DNA2: variants seen among roughly 807,000 people sequenced by gnomAD.
The protein encoded by DNA2 is DNA replication ATP-dependent helicase/nuclease DNA2.
DNA2 carries 101 observed loss-of-function variants against 119.1 expected under a neutral mutation model. The ratio of observed to expected loss-of-function variants is 0.85; its 90% CI spans 0.72 to 1.00. The LOEUF (loss-of-function observed/expected upper bound fraction) is 1.00, where lower values mean the gene tolerates loss of function less well. Ranked by LOEUF, DNA2 falls within the 50% of genes least tolerant of loss-of-function variation. DNA2 has a pLI of 0.00. For synonymous variants in DNA2, 366 were observed against 424.4 expected (o/e 0.86, Z 1.69); for missense variants, 1,121 against 1,255.5 (o/e 0.89, Z 1.62).
chr10:68,465,774 C>T lies in DNA2; in HGVS notation c.480G>A (p.Thr160=), dbSNP rs1564898418. The stretch of plus-strand genomic sequence containing the variant: ...CTTTTTGAAACACCTCATGGAGAAC[C>T]GTACCAATTAGCATTTGGCGTGTGG... ...DPATRQMLIG[T]VLHEVFQKAI... is the part of the protein sequence containing the mutation. Residue 160 remains threonine, a synonymous_variant, in exon 4 of 21, where the codon ACG becomes ACA. Coordinates refer to ENST00000358410, the MANE Select transcript of DNA2 (RefSeq NM_001080449.3). The T allele has an allele frequency of 4.4e-6, 7 of 1,600,218 alleles. No individual in the cohort carries two copies. Among genetic ancestry groups the T allele is most frequent in the East Asian group, 4.5e-5 (2 of 44,572 alleles).
At chr10:68,456,892 T>C (rs1333187665) in intron 5 of DNA2, among the ~76,000 whole-genome samples, 1 of 150,598 alleles carries the variant, frequency 6.6e-6, no homozygotes, top group Non-Finnish European at 1.5e-5. Context: ...CCCAGCACTT[T>C]GGGAGGCCAA....
At chr10:68,431,275 A>G (rs1391421862) in intron 13 of DNA2, among the ~76,000 whole-genome samples, 1 of 152,044 alleles carries the variant, frequency 6.6e-6, no homozygotes, top group Non-Finnish European at 1.5e-5. Context: ...AAATCCAAGA[A>G]AAATCTCTAA....
chr10:68,468,266 C>A lies in DNA2; in HGVS notation c.298G>T (p.Glu100Ter), dbSNP rs1482000724. The stretch of plus-strand genomic sequence containing the variant: ...CAAGTGTCAGATGTGCAGTCTCCCT[C>A]CAAATGAATGATATCTCCTGGCTCT... ...PVEPGDIIHL[E>*]GDCTSDTWII... The change falls in exon 3 of 21, where the codon GAG becomes TAG. Residue 100 changes from glutamate to a stop codon, truncating the protein, a stop_gained. Transcript: ENST00000358410. LOFTEE classifies it high-confidence loss of function. 6.2e-7 allele frequency: 1 copy of A among 1,608,866 alleles called. No individual in the cohort carries two copies. The highest frequency in any genetic ancestry group is 1.1e-5 in the South Asian group (1 of 89,350).
At chr10:68,455,853 AAAAAACTC>A (rs2052175901) in intron 5 of DNA2, among the ~76,000 whole-genome samples, 1 of 151,910 alleles carries the variant, frequency 6.6e-6, no homozygotes, top group Non-Finnish European at 1.5e-5. Flanking sequence ...ACAAACAAAC[AAAAAACTC>A]AACTCTAACA....
At chr10:68,470,422 G>A (rs747929304) in intron 1 of DNA2, 5 of 394,240 alleles carry the variant, frequency 1.3e-5, no homozygotes, top group East Asian at 5.5e-5. Flanking sequence ...TCTGTAAAGC[G>A]TTCTGTGGGA....
Position 68,446,322 on chromosome 10 carries a change from A to G in DNA2, c.1031T>C (p.Val344Ala), listed in dbSNP as rs1468575878. 36 of 1,592,670 alleles carry G rather than the reference A, an allele frequency of 2.3e-5. No individual in the cohort carries two copies. Among genetic ancestry groups the G allele is most frequent in the Non-Finnish European group, 3.1e-5 (36 of 1,169,624 alleles). Residue 344 changes from valine to alanine, a missense_variant, in exon 7 of 21, where the codon GTG (valine) becomes GCG (alanine). Coordinates refer to ENST00000358410, the MANE Select transcript of DNA2 (RefSeq NM_001080449.3). ...TCTTTTATCTAGATGGTTGGCAGGC[A>G]CAGGGTACATCTGACCAGTCTTGAG... ...LYLKTGQMYP[V>A]PANHLDKREL...
chr10:68,468,649 T>G (rs1332999500), intron 2 of DNA2, among the ~76,000 whole-genome samples: 1 of 152,230 alleles, frequency 6.6e-6, no homozygotes. Flanking sequence ...TGAATTGGGT[T>G]GTTTTAATAA....
intron 2 of DNA2, 63 bp from the exon 3 acceptor site, chr10:68,468,369 AG>A (rs1461835422): frequency 1.8e-6 from 2 of 1,105,802 alleles, no homozygotes; most frequent in East Asian, 5.7e-5. Flanking sequence ...TAAACGTATT[AG>A]GGAGGCTTCA....
Position 68,421,528 on chromosome 10 carries a change from CG to C in DNA2, c.2697+696del, listed in dbSNP as rs564925347. On this transcript the variant is annotated intron_variant, in intron 17 of 20. Transcript: ENST00000358410. ...CAGCACTCTGGGAGGCTGAAGCAGG[CG>C]GATCATTTGAAGCCAGGAGTTCAAG... Among the ~76,000 whole-genome samples, 261 of 151,926 alleles carry C rather than the reference CG, an allele frequency of 1.7e-3. 1 individual carries two copies. Among genetic ancestry groups the C allele is most frequent in the African/African-American group, 5.9e-3 (244 of 41,446 alleles).
chr10:68,422,562 C>CAAGA lies in DNA2; in HGVS notation c.2444_2445insTCTT (p.Gln815HisfsTer4). ...TTAACTGTACAACAGCACTCTTATT[C>CAAGA]TGCTCCAGCCTCTTGAATAAGCTTT... On this transcript the variant is annotated frameshift_variant, in exon 16 of 21. Coordinates refer to ENST00000358410, the MANE Select transcript of DNA2 (RefSeq NM_001080449.3). LOFTEE classifies it high-confidence loss of function. 1 of 1,614,030 alleles carries CAAGA rather than the reference C, an allele frequency of 6.2e-7. No homozygotes were observed. Among genetic ancestry groups the CAAGA allele is most frequent in the Non-Finnish European group, 8.5e-7 (1 of 1,179,896 alleles).
intron 5 of DNA2, among the ~76,000 whole-genome samples, chr10:68,456,073 T>A (rs2052178404): frequency 6.6e-6 from 1 of 151,674 alleles, no homozygotes; most frequent in African/African-American, 2.4e-5. Flanking sequence ...AATACAAAAA[T>A]TAGCCAGGCA....
intron 9 of DNA2, among the ~76,000 whole-genome samples, chr10:68,439,568 T>C (rs2051939088): frequency 6.6e-6 from 1 of 151,830 alleles, no homozygotes; most frequent in Non-Finnish European, 1.5e-5. Flanking sequence ...CCAGGTGCTG[T>C]GGCTCACACC....
chr10:68,466,697 G>C (rs2052331084), intron 3 of DNA2, among the ~76,000 whole-genome samples: 1 of 151,316 alleles, frequency 6.6e-6, no homozygotes, highest in Non-Finnish European at 1.5e-5. Flanking sequence ...TCCTGCCTCA[G>C]CCTCCCGAGT....
At chr10:68,450,370 C>T (rs531011415) in intron 5 of DNA2, 123 bp from the exon 6 acceptor site, 1 of 747,636 alleles carries the variant, frequency 1.3e-6, no homozygotes, top group East Asian at 2.7e-5. Flanking sequence ...CCTACCTTTA[C>T]AGCAGTGATT....
chr10:68,421,830 C>CG (rs1448522958), intron 17 of DNA2, among the ~76,000 whole-genome samples: 2 of 151,222 alleles, frequency 1.3e-5, no homozygotes, highest in Non-Finnish European at 3.0e-5. Flanking sequence ...TTTTTTCCCC[C>CG]CAAGATGGGA....
intron 4 of DNA2, among the ~76,000 whole-genome samples, chr10:68,463,443 CAA>C (rs35470662): frequency 5.0e-4 from 30 of 59,414 alleles, no homozygotes; most frequent in African/African-American, 3.6e-4. Flanking sequence ...GACTCCATCT[CAA>C]AAAAAAAAAA....
chr10:68,415,229 G>T (rs2133348467), intron 20 of DNA2, 122 bp from the exon 21 acceptor site: 1 of 593,992 alleles, frequency 1.7e-6, no homozygotes, highest in Non-Finnish European at 3.0e-6. Flanking sequence ...GGATCTTTAT[G>T]GCATTCAATG....
At chr10:68,452,527 T>C (rs571274183) in intron 5 of DNA2, among the ~76,000 whole-genome samples, 2 of 152,118 alleles carry the variant, frequency 1.3e-5, no homozygotes, top group East Asian at 3.9e-4. Flanking sequence ...TTTAAAGTTG[T>C]TACTAAAATT....
rs1325661699 is a variant in DNA2 at position 68,456,514 on chromosome 10, A to G, written c.719+2590T>C. 2.0e-5 allele frequency among the ~76,000 whole-genome samples: 3 copies of G among 152,168 alleles called. No individual in the cohort carries two copies. In the East Asian group the frequency reaches 5.8e-4, roughly 30 times the overall value. On this transcript the variant is annotated intron_variant, in intron 5 of 20. Transcript: ENST00000358410. Reference sequence around the variant, plus strand: ...GCTGTAATCTCTGCCTCCTAGTTCAAGCAATCCTCCTGCCTCAGCCTCCCG... The same window carrying G: ...GCTGTAATCTCTGCCTCCTAGTTCAGGCAATCCTCCTGCCTCAGCCTCCCG...
Sources: gnomAD v4.1 joint callset for allele counts (sites outside exome capture counted in the v4.1 genomes callset) on GRCh38, gnomAD v4.1.1 for gene constraint, MANE v1.5 for transcripts, NCBI Gene and HGNC (gene_info 2026-07-23, HGNC 2026-07-21) for gene names.